Variants in MIS18A observed in about 807,000 individuals in gnomAD.
MIS18A encodes MIS18 kinetochore protein A.
A neutral mutation model predicts 25.0 loss-of-function variants in MIS18A; 14 were observed. The observed-to-expected ratio is 0.56, with a 90% CI of 0.37 to 0.88. The LOEUF is 0.88. Among genes scored for constraint, MIS18A ranks in the 40% least tolerant of loss-of-function variants. MIS18A has a pLI of 0.00. For missense variants in MIS18A, 292 were observed against 290.8 expected (o/e 1.00, Z -0.03); for synonymous variants, 134 against 118.6 (o/e 1.13, Z -0.84).
chr21:32,186,264 G>A, the MIS18A span, among the ~76,000 whole-genome samples: 3 of 152,192 alleles, frequency 2.0e-5, no homozygotes, highest in Admixed American at 6.5e-5. Context: ...CTCTGACGAC[G>A]TGTCTATCCT....
the MIS18A span, among the ~76,000 whole-genome samples, chr21:32,193,824 G>A: frequency 6.6e-6 from 1 of 152,018 alleles, no homozygotes; most frequent in Admixed American, 6.6e-5. Flanking sequence ...GAAAGATTTG[G>A]TGACAATTTT....
At chr21:32,226,135 TG>T in the MIS18A span, among the ~76,000 whole-genome samples, 1 of 98,346 alleles carries the variant, frequency 1.0e-5, no homozygotes, top group Non-Finnish European at 2.1e-5. Context: ...TGTGGTGGGG[TG>T]GGGGGAGTGG....
At chr21:32,161,146 T>C in the MIS18A span, among the ~76,000 whole-genome samples, 2 of 152,260 alleles carry the variant, frequency 1.3e-5, no homozygotes, top group African/African-American at 4.8e-5. Context: ...GAATTGATAG[T>C]GATACATTAT....
At chr21:32,198,660 T>C in the MIS18A span, among the ~76,000 whole-genome samples, 1 of 152,338 alleles carries the variant, frequency 6.6e-6, no homozygotes, top group South Asian at 2.1e-4. Context: ...GAGGAGGCCC[T>C]GGCTGCTGCC....
the MIS18A span, among the ~76,000 whole-genome samples, chr21:32,237,643 T>C: frequency 2.0e-5 from 3 of 152,272 alleles, no homozygotes; most frequent in African/African-American, 7.2e-5. Flanking sequence ...CTCTAATGAG[T>C]CCTTTTATAA....
the MIS18A span, among the ~76,000 whole-genome samples, chr21:32,190,883 G>T: frequency 6.6e-6 from 1 of 152,206 alleles, no homozygotes; most frequent in East Asian, 1.9e-4. Context: ...ATGTATGTCT[G>T]CCACCGCCAG....
intron 2 of MIS18A, among the ~76,000 whole-genome samples, chr21:32,274,556 C>T (rs1412449899): frequency 6.6e-6 from 1 of 151,998 alleles, no homozygotes; most frequent in East Asian, 1.9e-4. Context: ...GCCCAAAGAT[C>T]CAAAAAGGGA....
chr21:32,228,789 T>A, the MIS18A span, among the ~76,000 whole-genome samples: 3 of 152,074 alleles, frequency 2.0e-5, no homozygotes, highest in African/African-American at 7.2e-5. Context: ...TGCTTAGGAG[T>A]AAATTTAACA....
intron 2 of MIS18A, among the ~76,000 whole-genome samples, chr21:32,272,880 G>A (rs1008875107): frequency 6.6e-6 from 1 of 152,172 alleles, no homozygotes; most frequent in African/African-American, 2.4e-5. Flanking sequence ...AGAGCACTTC[G>A]AAGGCAGTAA....
At chr21:32,252,128 GTGAACTAAGATTACACC>G in the MIS18A span, among the ~76,000 whole-genome samples, 1 of 151,926 alleles carries the variant, frequency 6.6e-6, no homozygotes, top group Non-Finnish European at 1.5e-5. Context: ...TGACACTGCA[GTGAACTAAGATTACACC>G]ACTGCACTCC....
chr21:32,239,376 T>C, the MIS18A span, among the ~76,000 whole-genome samples: 1 of 152,206 alleles, frequency 6.6e-6, no homozygotes, highest in South Asian at 2.1e-4. Context: ...ATGCAATTTT[T>C]CATTCCCAGG....
At chr21:32,265,363 T>C (rs571877864), downstream of MIS18A, among the ~76,000 whole-genome samples, 47 of 152,188 alleles carry the variant, frequency 3.1e-4, no homozygotes, top group East Asian at 7.8e-3. Context: ...GGGCTGCGTG[T>C]GGCGCTTGCG....
At chr21:32,180,457 C>G in the MIS18A span, among the ~76,000 whole-genome samples, 1 of 152,196 alleles carries the variant, frequency 6.6e-6, no homozygotes. Context: ...CAAACCTCCA[C>G]AGTCCCTCTC....
At chr21:32,215,172 G>A in the MIS18A span, among the ~76,000 whole-genome samples, 3 of 152,138 alleles carry the variant, frequency 2.0e-5, no homozygotes, top group Non-Finnish European at 2.9e-5. Context: ...AGAGACTAAC[G>A]TGATTTAAAA....
At chr21:32,269,940 G>C (rs1225347315) in intron 3 of MIS18A, 137 bp from the exon 4 acceptor site, 3 of 617,068 alleles carry the variant, frequency 4.9e-6, no homozygotes, top group Non-Finnish European at 8.6e-6. Flanking sequence ...AAGACCCCGG[G>C]CAATATGCCT....
the MIS18A span, among the ~76,000 whole-genome samples, chr21:32,239,841 A>G: frequency 5.5e-3 from 842 of 152,346 alleles, 12 homozygotes; most frequent in African/African-American, 0.02. Context: ...TGGCACATTA[A>G]TTACATGCCA....
chr21:32,192,347 G>A, the MIS18A span, among the ~76,000 whole-genome samples: 41 of 152,248 alleles, frequency 2.7e-4, no homozygotes, highest in South Asian at 7.9e-3. Flanking sequence ...GTCTCCTCGC[G>A]TGGCTGCGTC....
chr21:32,222,401 A>C, the MIS18A span, among the ~76,000 whole-genome samples: 1 of 152,208 alleles, frequency 6.6e-6, no homozygotes, highest in Non-Finnish European at 1.5e-5. Flanking sequence ...AAAATTAACA[A>C]GGATATTCAG....
rs1010594597 is a variant in MIS18A at position 32,269,135 on chromosome 21, T to TAA, written c.622-20_622-19dup. 6.6e-7 allele frequency: 1 copy of TAA among 1,523,004 alleles called. No homozygotes were observed. Among genetic ancestry groups the TAA allele is most frequent in the African/African-American group, 1.4e-5 (1 of 71,220 alleles). The allele number at this position is 1,523,004 out of a possible 1,614,324, so 94.3% of individuals were successfully genotyped here. Reference sequence around the variant, plus strand: ...TCTTCCATCTATTGAATTTAAAAAATAAAAAAATAAAGAAACACACATATA... The same window carrying TAA: ...TCTTCCATCTATTGAATTTAAAAAATAAAAAAAAATAAAGAAACACACATATA... On this transcript the variant is annotated intron_variant, in intron 4 of 4. Transcript: ENST00000290130.
Sources: allele counts gnomAD v4.1 joint callset (sites outside exome capture counted in the v4.1 genomes callset), GRCh38; gene constraint gnomAD v4.1.1; transcripts MANE v1.5; gene names NCBI Gene and HGNC (gene_info 2026-07-23, HGNC 2026-07-21).